Variants in SUGCT observed in about 807,000 individuals in gnomAD.
SUGCT encodes the protein succinyl-CoA:glutarate-CoA transferase, also known as succinyl-CoA:glutarate CoA-transferase.
SUGCT carries 41 observed loss-of-function variants against 55.0 expected under a neutral mutation model. The ratio of observed to expected loss-of-function variants is 0.74; its 90% CI spans 0.58 to 0.97. SUGCT has a LOEUF of 0.97. SUGCT is among the 50% of genes least tolerant of loss of function. The pLI is 0.00. For missense variants in SUGCT, 568 were observed against 547.8 expected (o/e 1.04, Z -0.37); for synonymous variants, 187 against 200.4 (o/e 0.93, Z 0.56).
At chr7:40,657,627 CG>C (rs1562929673) in intron 12 of SUGCT, among the ~76,000 whole-genome samples, 2 of 151,670 alleles carry the variant, frequency 1.3e-5, no homozygotes, top group Non-Finnish European at 2.9e-5. Flanking sequence ...CTCTGCCTCC[CG>C]GGTTCAAGCG....
chr7:40,492,069 AG>A (rs1461812316), intron 11 of SUGCT, among the ~76,000 whole-genome samples: 2 of 152,160 alleles, frequency 1.3e-5, no homozygotes, highest in African/African-American at 4.8e-5. Flanking sequence ...CAGGTAGAAT[AG>A]TTAACATCAT....
chr7:40,784,261 G>A (rs1789907033), intron 13 of SUGCT, among the ~76,000 whole-genome samples: 5 of 152,080 alleles, frequency 3.3e-5, no homozygotes, highest in Admixed American at 3.3e-4. Context: ...TCAAAACTTA[G>A]TTCTGCTCCA....
chr7:40,365,970 A>G (rs1238367344), intron 9 of SUGCT, among the ~76,000 whole-genome samples: 1 of 152,236 alleles, frequency 6.6e-6, no homozygotes, highest in Admixed American at 6.5e-5. Context: ...ATCCTAAGCC[A>G]AAAGAACAAA....
intron 12 of SUGCT, among the ~76,000 whole-genome samples, chr7:40,695,180 T>A (rs1784869786): frequency 6.9e-6 from 1 of 145,872 alleles, no homozygotes; most frequent in South Asian, 2.2e-4. Flanking sequence ...TATTTATTTA[T>A]TTATTTATTT....
chr7:40,331,237 AG>A (rs1796295889), intron 9 of SUGCT, among the ~76,000 whole-genome samples: 1 of 152,216 alleles, frequency 6.6e-6, no homozygotes, highest in Non-Finnish European at 1.5e-5. Context: ...TCTTAGGCAC[AG>A]TCTAAACATC....
the SUGCT span, among the ~76,000 whole-genome samples, chr7:40,931,215 G>A: frequency 7.3e-3 from 1,109 of 152,208 alleles, 9 homozygotes; most frequent in Middle Eastern, 0.041. Context: ...TTTATATGAT[G>A]GATTACATTT....
chr7:40,871,412 G>A, the SUGCT span, among the ~76,000 whole-genome samples: 16 of 152,278 alleles, frequency 1.1e-4, no homozygotes, highest in South Asian at 1.7e-3. Flanking sequence ...ACATGTGAGT[G>A]AAGCTTTCTT....
chr7:40,833,752 T>C (rs550593720), intron 13 of SUGCT, among the ~76,000 whole-genome samples: 13 of 152,188 alleles, frequency 8.5e-5, no homozygotes, highest in Admixed American at 3.9e-4. Context: ...TTCTAAAACA[T>C]CCCAGCTGGA....
intron 1 of SUGCT, among the ~76,000 whole-genome samples, chr7:40,174,289 C>T (rs1784820234): frequency 6.6e-6 from 1 of 152,140 alleles, no homozygotes; most frequent in African/African-American, 2.4e-5. Context: ...TCCCAGAGTG[C>T]TCGGATTACA....
intron 10 of SUGCT, among the ~76,000 whole-genome samples, chr7:40,455,906 G>T (rs906948209): frequency 1.3e-5 from 2 of 152,108 alleles, no homozygotes; most frequent in African/African-American, 4.8e-5. Flanking sequence ...AAGTGATGGC[G>T]GTGTATATGA....
At chr7:40,197,535 T>C (rs983677416) in intron 6 of SUGCT, among the ~76,000 whole-genome samples, 1 of 152,220 alleles carries the variant, frequency 6.6e-6, no homozygotes, top group African/African-American at 2.4e-5. Context: ...ACTGGTATGC[T>C]CTGCATGTCT....
At chr7:41,002,803 G>A in the SUGCT span, among the ~76,000 whole-genome samples, 1 of 152,062 alleles carries the variant, frequency 6.6e-6, no homozygotes, top group Non-Finnish European at 1.5e-5. Context: ...TATTATTATA[G>A]GTGAGGAAAA....
At chr7:40,674,804 G>A (rs1162880785) in intron 12 of SUGCT, among the ~76,000 whole-genome samples, 1 of 152,018 alleles carries the variant, frequency 6.6e-6, no homozygotes, top group Non-Finnish European at 1.5e-5. Context: ...ATATTAGAAT[G>A]TATATCAATG....
intron 3 of SUGCT, among the ~76,000 whole-genome samples, chr7:40,188,171 C>T (rs936446906): frequency 1.3e-5 from 2 of 150,132 alleles, no homozygotes; most frequent in African/African-American, 2.5e-5. Flanking sequence ...CGGTGGCTCA[C>T]GCCTGTAATC....
intron 12 of SUGCT, among the ~76,000 whole-genome samples, chr7:40,540,690 T>G (rs1307300805): frequency 6.6e-6 from 1 of 152,282 alleles, no homozygotes; most frequent in Non-Finnish European, 1.5e-5. Context: ...AAGGCAGAAC[T>G]GCCAGGCTGA....
At chr7:40,772,577 T>TA (rs771592214) in intron 13 of SUGCT, among the ~76,000 whole-genome samples, 161 of 119,740 alleles carry the variant, frequency 1.3e-3, no homozygotes, top group African/African-American at 1.9e-3. Context: ...GTTATCTATC[T>TA]GCTATCTATC....
At chr7:40,516,159 GAA>G (rs34369172) in intron 12 of SUGCT, among the ~76,000 whole-genome samples, 1 of 151,764 alleles carries the variant, frequency 6.6e-6, no homozygotes, top group Non-Finnish European at 1.5e-5. Context: ...TGTCTGCTTT[GAA>G]AAAAAGTCTA....
Position 40,522,804 on chromosome 7 carries a change from A to G in SUGCT, c.1089+26418A>G, listed in dbSNP as rs905535513. Among the ~76,000 whole-genome samples, 4 of 152,098 alleles carry G rather than the reference A, an allele frequency of 2.6e-5. No individual in the cohort carries two copies. The South Asian group carries it at 8.3e-4, about 31-fold the overall frequency. On this transcript the variant is annotated intron_variant, in intron 12 of 13. Coordinates refer to ENST00000335693, the MANE Select transcript of SUGCT (RefSeq NM_001193313.2). ...AATACAAAATGTTTGTCCCATGTGC[A>G]TATTGACAAGTCATTTTCTGCCTCT...
At chr7:40,919,500 A>G in the SUGCT span, among the ~76,000 whole-genome samples, 9 of 152,208 alleles carry the variant, frequency 5.9e-5, no homozygotes, top group Non-Finnish European at 8.8e-5. Flanking sequence ...GATCCTGTAT[A>G]CAGAAGTGTT....
Sources: allele counts gnomAD v4.1 joint callset (sites outside exome capture counted in the v4.1 genomes callset), GRCh38; gene constraint gnomAD v4.1.1; transcripts MANE v1.5; gene names NCBI Gene and HGNC (gene_info 2026-07-23, HGNC 2026-07-21).